The following SSPN variants were observed in gnomAD, a reference collection of about 807,000 sequenced individuals.
SSPN encodes the protein sarcospan.
SSPN carries 15 observed loss-of-function variants against 19.1 expected under a neutral mutation model. The observed-to-expected ratio is 0.78, with a 90% CI of 0.52 to 1.21. The LOEUF is 1.21. Among genes scored for constraint, SSPN ranks in the 50% most tolerant of loss-of-function variants. The pLI is 0.00. For synonymous variants in SSPN, 147 were observed against 140.3 expected (o/e 1.05, Z -0.34); for missense variants, 291 against 314.0 (o/e 0.93, Z 0.55).
At chr12:26,222,580 GTC>G (rs1204378834) in intron 1 of SSPN, among the ~76,000 whole-genome samples, 2 of 152,112 alleles carry the variant, frequency 1.3e-5, no homozygotes, top group African/African-American at 4.8e-5. Context: ...TTCAACTTCT[GTC>G]TCTAGGATAA....
intron 1 of SSPN, among the ~76,000 whole-genome samples, chr12:26,217,482 C>T (rs1945066572): frequency 1.9e-5 from 1 of 53,962 alleles, no homozygotes; most frequent in African/African-American, 8.9e-5. Flanking sequence ...TGGGCTGAGA[C>T]AATGGGGTTT....
chr12:26,156,924 C>T (rs1234466916), intron 1 of SSPN, among the ~76,000 whole-genome samples: 2 of 152,176 alleles, frequency 1.3e-5, no homozygotes, highest in African/African-American at 2.4e-5. Context: ...TTTTAGAATC[C>T]AGGTGTCTGA....
chr12:26,174,702 G>T (rs1944673895), intron 1 of SSPN, among the ~76,000 whole-genome samples: 1 of 152,020 alleles, frequency 6.6e-6, no homozygotes, highest in African/African-American at 2.4e-5. Context: ...TGTATTTTTA[G>T]TAGAGACGGG....
At chr12:26,150,693 G>C (rs558040592) in intron 1 of SSPN, among the ~76,000 whole-genome samples, 1 of 152,326 alleles carries the variant, frequency 6.6e-6, no homozygotes, top group South Asian at 2.1e-4. Flanking sequence ...CCACAGTTGA[G>C]AATATTTTGT....
chr12:26,226,755 G>A (rs983340406), intron 2 of SSPN, among the ~76,000 whole-genome samples: 2 of 152,138 alleles, frequency 1.3e-5, no homozygotes, highest in Non-Finnish European at 2.9e-5. Context: ...TCCAGGGCAC[G>A]TTCCCTCCTG....
At chr12:26,162,964 G>A (rs1177558544) in intron 1 of SSPN, among the ~76,000 whole-genome samples, 4 of 152,046 alleles carry the variant, frequency 2.6e-5, no homozygotes, top group African/African-American at 7.2e-5. Flanking sequence ...TAGACCTGAC[G>A]AGAAGTTAGG....
intron 1 of SSPN, among the ~76,000 whole-genome samples, chr12:26,135,459 CA>C (rs1299612642): frequency 6.6e-6 from 1 of 152,092 alleles, no homozygotes; most frequent in African/African-American, 2.4e-5. Context: ...TCAGTACAGA[CA>C]AAAGAGAGCT....
intron 1 of SSPN, among the ~76,000 whole-genome samples, chr12:26,153,868 G>T (rs1463777484): frequency 6.6e-6 from 1 of 152,174 alleles, no homozygotes; most frequent in Non-Finnish European, 1.5e-5. Flanking sequence ...AGTACCTTAT[G>T]GTCCCTCCTG....
At chr12:26,138,034 C>T (rs1180706271) in intron 1 of SSPN, among the ~76,000 whole-genome samples, 1 of 152,012 alleles carries the variant, frequency 6.6e-6, no homozygotes, top group Admixed American at 6.6e-5. Flanking sequence ...CTCCCCCGAC[C>T]CCATGATACT....
chr12:26,214,212 C>T (rs542555493), intron 1 of SSPN, among the ~76,000 whole-genome samples: 2 of 152,308 alleles, frequency 1.3e-5, no homozygotes, highest in African/African-American at 4.8e-5. Context: ...AAGTCACGGT[C>T]CCCCAGCCTG....
intron 1 of SSPN, among the ~76,000 whole-genome samples, chr12:26,175,592 A>G (rs922719241): frequency 1.3e-5 from 2 of 152,192 alleles, no homozygotes; most frequent in African/African-American, 2.4e-5. Flanking sequence ...TAATTAGCAT[A>G]TTCAGGAATC....
chr12:26,149,976 A>G (rs1944515690), intron 1 of SSPN, among the ~76,000 whole-genome samples: 1 of 152,224 alleles, frequency 6.6e-6, no homozygotes, highest in Non-Finnish European at 1.5e-5. Context: ...CGCAAGGTCA[A>G]TACTTCCTCA....
chr12:26,178,648 C>T, intron 1 of SSPN, among the ~76,000 whole-genome samples: 1 of 152,118 alleles, frequency 6.6e-6, no homozygotes, highest in Non-Finnish European at 1.5e-5. Context: ...CAAAAAGGAA[C>T]AGAGTGGGTC....
At chr12:26,209,509 G>A (rs879846923) in intron 1 of SSPN, among the ~76,000 whole-genome samples, 3 of 151,784 alleles carry the variant, frequency 2.0e-5, no homozygotes, top group Non-Finnish European at 4.4e-5. Flanking sequence ...GCTGTATCTT[G>A]GGTTATTTTC....
At chr12:26,195,558 A>G (rs1403867237), upstream of SSPN, 12 of 1,293,122 alleles carry the variant, frequency 9.3e-6, no homozygotes, top group East Asian at 1.9e-4. Flanking sequence ...TGTTTTCCAT[A>G]TTTGTTCAGC....
At chr12:26,174,405 T>C (rs1171831260) in intron 1 of SSPN, among the ~76,000 whole-genome samples, 2 of 152,144 alleles carry the variant, frequency 1.3e-5, no homozygotes, top group African/African-American at 2.4e-5. Context: ...TGGTAAGTTT[T>C]CCCATCACCT....
chr12:26,144,632 T>C (rs1289585691), intron 1 of SSPN, among the ~76,000 whole-genome samples: 3 of 152,212 alleles, frequency 2.0e-5, no homozygotes, highest in Non-Finnish European at 1.5e-5. Flanking sequence ...ATGAATAGGA[T>C]ACAACTTATG....
chr12:26,167,101 C>G (rs1358151680), intron 1 of SSPN, among the ~76,000 whole-genome samples: 1 of 152,032 alleles, frequency 6.6e-6, no homozygotes, highest in Non-Finnish European at 1.5e-5. Context: ...ATCAGAGCAC[C>G]AACCTGTGTA....
At chr12:26,137,619 T>A (rs1192640743) in intron 1 of SSPN, among the ~76,000 whole-genome samples, 1 of 95,426 alleles carries the variant, frequency 1.0e-5, no homozygotes, top group Non-Finnish European at 2.0e-5. Flanking sequence ...TACATATATA[T>A]GTGTGTGTGT....
Sources: allele counts gnomAD v4.1 joint callset (sites outside exome capture counted in the v4.1 genomes callset), GRCh38; gene constraint gnomAD v4.1.1; transcripts MANE v1.5; gene names NCBI Gene and HGNC (gene_info 2026-07-23, HGNC 2026-07-21).